The following ANKRD60 variants were observed in gnomAD, a reference collection of about 807,000 sequenced individuals.
ANKRD60 encodes the protein ankyrin repeat domain 60.
In ANKRD60, 24 loss-of-function variants were observed where a neutral mutation model predicts 21.3. That is an observed-to-expected ratio of 1.13 (90% CI 0.82 to 1.59). The LOEUF is 1.59. ANKRD60 is among the 40% of genes most tolerant of loss of function. The pLI, the probability that ANKRD60 is intolerant of heterozygous loss-of-function variation, is 0.00. For missense variants in ANKRD60, 490 were observed against 466.7 expected (o/e 1.05, Z -0.46); for synonymous variants, 182 against 199.4 (o/e 0.91, Z 0.74).
At chr20:58,218,446 T>C (rs1871459560), downstream of ANKRD60, 1 of 1,516,372 alleles carries the variant, frequency 6.6e-7, no homozygotes, top group South Asian at 1.3e-5. Context: ...GATTGAACTC[T>C]GCAAAGTTGC....
downstream of ANKRD60, among the ~76,000 whole-genome samples, chr20:58,217,300 G>A (rs947968024): frequency 2.0e-5 from 3 of 152,022 alleles, no homozygotes; most frequent in Admixed American, 1.3e-4. Flanking sequence ...ATGGTGGCAG[G>A]TGCCTGTAAT....
At chr20:58,217,066 G>A (rs527547919), downstream of ANKRD60, among the ~76,000 whole-genome samples, 1 of 152,338 alleles carries the variant, frequency 6.6e-6, no homozygotes, top group South Asian at 2.1e-4. Context: ...TCACATGGGT[G>A]TGCCCCACAT....
chr20:58,228,627 C>T lies in ANKRD60; in HGVS notation c.27G>A (p.Met9Ile), dbSNP rs1018550843. Residue 9 changes from methionine to isoleucine, a missense_variant, in exon 1 of 4, where the codon ATG (methionine) becomes ATA (isoleucine). Coordinates refer to ENST00000457363, the Ensembl canonical transcript of ANKRD60. The surrounding 1 kb of genome is among the most constrained non-coding windows in gnomAD (Gnocchi z 5.3). The stretch of plus-strand genomic sequence containing the variant: ...CGCCCGCCCCCGCCGCCGCCCGCCG[C>T]ATCCCCCAGGCGCGGCCGCGCGTCA... 2 of 1,021,134 alleles carry T rather than the reference C, an allele frequency of 2.0e-6. No individual in the cohort carries two copies. The highest frequency in any genetic ancestry group is 2.4e-6 in the Non-Finnish European group (2 of 850,480). 63.3% of individuals were successfully genotyped at this position (1,021,134 alleles called of 1,614,324 possible). A position where few individuals can be genotyped will look rare whatever the true frequency, so the allele number is the denominator to read the frequency against.
At chr20:58,224,478 C>G (rs2045539174) in intron 1 of ANKRD60, among the ~76,000 whole-genome samples, 1 of 152,224 alleles carries the variant, frequency 6.6e-6, no homozygotes, top group Non-Finnish European at 1.5e-5. Flanking sequence ...GATGAGCAGA[C>G]TGAGGCTCAC....
intron 3 of ANKRD60, among the ~76,000 whole-genome samples, chr20:58,220,458 T>C (rs1486491062): frequency 6.6e-6 from 1 of 150,506 alleles, no homozygotes; most frequent in African/African-American, 2.5e-5. Context: ...CAATGTTGGC[T>C]AAGGCTTCTG....
intron 3 of ANKRD60, among the ~76,000 whole-genome samples, chr20:58,220,877 C>T (rs1984236558): frequency 6.6e-6 from 1 of 152,112 alleles, no homozygotes; most frequent in South Asian, 2.1e-4. Flanking sequence ...ATGTGATCTG[C>T]CCGCCTCAGC....
Position 58,223,004 on chromosome 20 carries a change from C to T in ANKRD60, c.561+48G>A, listed in dbSNP as rs914463660. ...AGACTAATTTTCCCCCCACAATTTACGGTTGCTTCGTAACGTATAATATCC... is the reference window on the plus strand; with the variant it reads ...AGACTAATTTTCCCCCCACAATTTATGGTTGCTTCGTAACGTATAATATCC... On this transcript the variant is annotated intron_variant, in intron 2 of 3. Coordinates refer to ENST00000457363, the Ensembl canonical transcript of ANKRD60. 32 of 1,507,104 alleles carry T rather than the reference C, an allele frequency of 2.1e-5. No individual in the cohort carries two copies. The East Asian group carries it at 2.2e-4, about 11-fold the overall frequency. 93.4% of individuals were successfully genotyped at this position (1,507,104 alleles called of 1,614,324 possible).
chr20:58,223,269 T>C lies in ANKRD60; in HGVS notation c.431-87A>G, dbSNP rs868222672. On this transcript the variant is annotated intron_variant, in intron 1 of 3. Transcript: ENST00000457363. ...GTTAAGTTAAGAGATTATCTGACCT[T>C]GAGTGCCACAAAGATAATTTTAGAA... 75 of 1,118,138 alleles carry C rather than the reference T, an allele frequency of 6.7e-5. 2 individuals carry two copies. The South Asian group carries it at 1.2e-3, about 18-fold the overall frequency. 69.3% of individuals were successfully genotyped at this position (1,118,138 alleles called of 1,614,324 possible).
chr20:58,218,463 C>A, downstream of ANKRD60: 1 of 1,529,248 alleles, frequency 6.5e-7, no homozygotes, highest in Non-Finnish European at 8.8e-7. Context: ...TTGCCCAAAC[C>A]AGCCTCAGCG....
Position 58,228,355 on chromosome 20 carries a change from A to G in ANKRD60, c.299T>C (p.Leu100Pro), listed in dbSNP as rs369771242. The change falls in exon 1 of 4, where the codon CTG (leucine) becomes CCG (proline). Residue 100 changes from leucine (L) to proline (P), a missense_variant. Coordinates refer to ENST00000457363, the Ensembl canonical transcript of ANKRD60. The surrounding 1 kb of genome is among the most constrained non-coding windows in gnomAD (Gnocchi z 5.3). ...TCGGAACATCTCCCCCGTCTCCTCC[A>G]GCCGCACCCGCAGGACGAAGACGTC... is the stretch of plus-strand genomic sequence containing the variant. 429 of 1,550,680 alleles carry G rather than the reference A, an allele frequency of 2.8e-4. 6 individuals carry two copies. The South Asian group carries it at 3.3e-3, about 12-fold the overall frequency.
chr20:58,223,187 A>G lies in ANKRD60; in HGVS notation c.431-5T>C. The G allele has an allele frequency of 6.5e-7, 1 of 1,536,230 alleles. No individual in the cohort carries two copies. The highest frequency in any genetic ancestry group is 2.4e-5 in the East Asian group (1 of 40,838). On this transcript the variant is annotated splice_region_variant and splice_polypyrimidine_tract_variant and intron_variant, in intron 1 of 3. Coordinates refer to ENST00000457363, the Ensembl canonical transcript of ANKRD60. ...TAGTGTCATCCATCAAAACTCCTGC[A>G]GGGAAAAATTTTTTTTCTTTTAAAA...
intron 3 of ANKRD60, among the ~76,000 whole-genome samples, chr20:58,220,707 T>A (rs1427007574): frequency 6.6e-6 from 1 of 151,274 alleles, no homozygotes; most frequent in African/African-American, 2.4e-5. Flanking sequence ...TGTGTGTGTG[T>A]GTGTGTGTGT....
At chr20:58,217,168 T>G (rs143834197), downstream of ANKRD60, among the ~76,000 whole-genome samples, 2 of 152,304 alleles carry the variant, frequency 1.3e-5, no homozygotes, top group South Asian at 4.1e-4. Flanking sequence ...TGGTGGCTCA[T>G]GCCTGTAAAT....
intron 2 of ANKRD60, 36 bp downstream of exon 2, chr20:58,223,016 A>AACGT: frequency 6.6e-7 from 1 of 1,521,340 alleles, no homozygotes; most frequent in Non-Finnish European, 8.8e-7. Flanking sequence ...GTTGCTTCGT[A>AACGT]ACGTATAATA....
Sources: allele counts gnomAD v4.1 joint callset (sites outside exome capture counted in the v4.1 genomes callset), GRCh38; gene constraint gnomAD v4.1.1; non-coding constraint Gnocchi (gnomAD v3.1); transcripts MANE v1.5; gene names NCBI Gene and HGNC (gene_info 2026-07-23, HGNC 2026-07-21).